Variants in IQSEC3 observed in about 807,000 individuals in gnomAD.
IQSEC3 encodes IQ motif and SEC7 domain-containing protein 3.
In IQSEC3, 50 loss-of-function variants were observed where a neutral mutation model predicts 105.4. That is an observed-to-expected ratio of 0.47 (90% CI 0.38 to 0.60). The LOEUF is 0.60. IQSEC3 is among the 20% of genes least tolerant of loss of function. The probability of loss-of-function intolerance (pLI) is 0.00; values close to 1 mark genes in which losing one functional copy is unlikely to be tolerated. For missense variants in IQSEC3, 1,415 were observed against 1,630.0 expected, an observed-to-expected ratio of 0.87 and a Z score of 2.27; for synonymous variants, 708 against 746.0, an observed-to-expected ratio of 0.95 and a Z score of 0.83.
rs1323456985 is a variant in IQSEC3 at position 141,294 on chromosome 12, C to T, written c.2153+9C>T. The T allele has an allele frequency of 6.2e-7, 1 of 1,608,076 alleles. No individual in the cohort carries two copies. The highest frequency in any genetic ancestry group is 1.7e-5 in the Admixed American group (1 of 59,876). Reference sequence around the variant, plus strand: ...AACCGCGACGTGCTGGAGTGAGTACCCCACACTCCGGGCTTTCCCCACTCC... The same window carrying T: ...AACCGCGACGTGCTGGAGTGAGTACTCCACACTCCGGGCTTTCCCCACTCC... On this transcript the variant is annotated intron_variant, in intron 5 of 13. Transcript: ENST00000538872.
chr12:109,198 C>T (rs752505091), intron 2 of IQSEC3, among the ~76,000 whole-genome samples: 1 of 152,190 alleles, frequency 6.6e-6, no homozygotes, highest in Non-Finnish European at 1.5e-5. Context: ...CATAAAAAGT[C>T]AGAATTCTGG....
At chr12:73,649 C>T (rs1863412090) in intron 1 of IQSEC3, among the ~76,000 whole-genome samples, 1 of 151,858 alleles carries the variant, frequency 6.6e-6, no homozygotes, top group South Asian at 2.1e-4. Context: ...CAGTCTGGGC[C>T]ACAGAGCGAG....
intron 5 of IQSEC3, among the ~76,000 whole-genome samples, chr12:155,476 C>T (rs1348306698): frequency 2.0e-5 from 3 of 152,112 alleles, no homozygotes; most frequent in African/African-American, 7.2e-5. Flanking sequence ...CTCTCGGCGC[C>T]CCCTCCCTTT....
intron 11 of IQSEC3, chr12:166,906 G>A (rs573853942): frequency 5.9e-5 from 9 of 152,340 alleles, no homozygotes; most frequent in African/African-American, 1.9e-4. Flanking sequence ...GAGGCTCGGA[G>A]TTCAGCCGCG....
intron 2 of IQSEC3, among the ~76,000 whole-genome samples, chr12:100,583 G>C (rs540621883): frequency 1.3e-5 from 2 of 152,246 alleles, no homozygotes; most frequent in African/African-American, 4.8e-5. Flanking sequence ...ACACCCAAGA[G>C]GCCCTTAAAT....
chr12:85,401 G>A (rs969986170), intron 1 of IQSEC3, among the ~76,000 whole-genome samples: 62 of 152,372 alleles, frequency 4.1e-4, no homozygotes, highest in African/African-American at 1.3e-3. Context: ...TGCAGCCACG[G>A]GCCCAGCTCT....
intron 1 of IQSEC3, among the ~76,000 whole-genome samples, chr12:97,040 G>A (rs1433749686): frequency 6.6e-6 from 1 of 152,288 alleles, no homozygotes; most frequent in East Asian, 1.9e-4. Context: ...ACTTTAATTG[G>A]CATTTTCCTA....
intron 2 of IQSEC3, among the ~76,000 whole-genome samples, chr12:113,044 T>C (rs114579789): frequency 6.4e-4 from 97 of 152,288 alleles, no homozygotes; most frequent in African/African-American, 2.2e-3. Context: ...TCTTGGGCAG[T>C]GCGGCCTGGA....
intron 1 of IQSEC3, among the ~76,000 whole-genome samples, chr12:70,738 A>G (rs564916935): frequency 3.9e-5 from 6 of 152,398 alleles, no homozygotes; most frequent in African/African-American, 1.2e-4. Flanking sequence ...TTTAGTGTCC[A>G]TGGATGACAG....
intron 2 of IQSEC3, among the ~76,000 whole-genome samples, chr12:111,086 T>C (rs1031592006): frequency 6.6e-6 from 1 of 152,192 alleles, no homozygotes; most frequent in Non-Finnish European, 1.5e-5. Context: ...GCAAGCGTGT[T>C]AGGGGATCCC....
At chr12:151,385 C>A (rs1186216820) in intron 5 of IQSEC3, among the ~76,000 whole-genome samples, 2 of 152,218 alleles carry the variant, frequency 1.3e-5, no homozygotes, top group Non-Finnish European at 2.9e-5. Flanking sequence ...CCTCACTTCC[C>A]ACATTCCCTG....
chr12:84,050 G>A (rs1244079145), intron 1 of IQSEC3, among the ~76,000 whole-genome samples: 5 of 152,210 alleles, frequency 3.3e-5, no homozygotes, highest in African/African-American at 7.2e-5. Context: ...TCGTGTGTGA[G>A]CCTCTTACAC....
chr12:122,342 C>T (rs1865246697), intron 2 of IQSEC3, among the ~76,000 whole-genome samples: 1 of 152,106 alleles, frequency 6.6e-6, no homozygotes, highest in African/African-American at 2.4e-5. Flanking sequence ...GAGACTGGCC[C>T]AGGAGGAGGA....
At chr12:121,313 G>A (rs919863817) in intron 2 of IQSEC3, among the ~76,000 whole-genome samples, 3 of 152,242 alleles carry the variant, frequency 2.0e-5, no homozygotes, top group African/African-American at 4.8e-5. Flanking sequence ...CTTCCACTAT[G>A]ACAGCCTAAG....
At chr12:115,857 T>C (rs1327445131) in intron 2 of IQSEC3, among the ~76,000 whole-genome samples, 4 of 152,150 alleles carry the variant, frequency 2.6e-5, no homozygotes, top group Non-Finnish European at 5.9e-5. Context: ...CATCTGTAAC[T>C]CAGAGTCACC....
At chr12:87,149 C>T (rs1380868928) in intron 1 of IQSEC3, among the ~76,000 whole-genome samples, 3 of 152,086 alleles carry the variant, frequency 2.0e-5, no homozygotes, top group Admixed American at 2.0e-4. Flanking sequence ...TTGGGGACAG[C>T]TTTTTTCTGT....
At chr12:68,913 A>G (rs1863200796) in intron 1 of IQSEC3, among the ~76,000 whole-genome samples, 1 of 152,206 alleles carries the variant, frequency 6.6e-6, no homozygotes, top group East Asian at 1.9e-4. Context: ...TCAAGTCCCA[A>G]GAAGATACAG....
chr12:162,109 T>C (rs782101697), intron 8 of IQSEC3, 44 bp downstream of exon 8: 10 of 1,602,582 alleles, frequency 6.2e-6, no homozygotes, highest in Non-Finnish European at 7.7e-6. Context: ...CTTTCCTTTC[T>C]TTCTTCCTGG....
rs542918308 is a variant in IQSEC3 at position 108,358 on chromosome 12, G to T, written c.623+9144G>T. On this transcript the variant is annotated intron_variant, in intron 2 of 13. Transcript: ENST00000538872. The stretch of plus-strand genomic sequence containing the variant: ...TTCTTGGCCTTATATGAGCTTCAGG[G>T]CTTGGTTAAGAGCATGTAATTCACA... Among the ~76,000 whole-genome samples, 25 of 152,306 alleles carry T rather than the reference G, an allele frequency of 1.6e-4. No homozygotes were observed. In the South Asian group the frequency reaches 5.2e-3, roughly 32 times the overall value.
Sources: gnomAD v4.1 joint callset for allele counts (sites outside exome capture counted in the v4.1 genomes callset) on GRCh38, gnomAD v4.1.1 for gene constraint, MANE v1.5 for transcripts, NCBI Gene and HGNC (gene_info 2026-07-23, HGNC 2026-07-21) for gene names.